CLEC16A: variants seen among roughly 807,000 people sequenced by gnomAD.
CLEC16A encodes protein CLEC16A.
In CLEC16A, 51 loss-of-function variants were observed where a neutral mutation model predicts 109.5. The ratio of observed to expected loss-of-function variants is 0.47; its 90% CI spans 0.37 to 0.59. The LOEUF (loss-of-function observed/expected upper bound fraction) is 0.59. CLEC16A is among the 20% of genes least tolerant of loss of function. The pLI is 0.00. For missense variants in CLEC16A, 1,339 were observed against 1,394.0 expected, an observed-to-expected ratio of 0.96 and a Z score of 0.63; for synonymous variants, 673 against 564.2, an observed-to-expected ratio of 1.19 and a Z score of -2.73.
chr16:11,091,184 C>T (rs569151529), intron 19 of CLEC16A, among the ~76,000 whole-genome samples: 1 of 152,338 alleles, frequency 6.6e-6, no homozygotes, highest in East Asian at 1.9e-4. Context: ...TATATCTCCC[C>T]CAACTCACAC....
At chr16:10,984,487 G>A (rs79032217) in intron 10 of CLEC16A, among the ~76,000 whole-genome samples, 423 of 152,244 alleles carry the variant, frequency 2.8e-3, no homozygotes, top group African/African-American at 4.8e-3. Context: ...TGCCGTATTC[G>A]AGCTTTACAG....
intron 1 of CLEC16A, among the ~76,000 whole-genome samples, chr16:10,956,543 C>A (rs1488067427): frequency 6.6e-6 from 1 of 152,208 alleles, no homozygotes; most frequent in African/African-American, 2.4e-5. Context: ...GCTCCCTTGA[C>A]AGGTGAAGTT....
At chr16:10,983,690 G>A (rs944479570) in intron 10 of CLEC16A, among the ~76,000 whole-genome samples, 8 of 152,054 alleles carry the variant, frequency 5.3e-5, no homozygotes, top group East Asian at 1.9e-4. Flanking sequence ...GTATATCTCT[G>A]CTGTCATCTC....
intron 19 of CLEC16A, among the ~76,000 whole-genome samples, chr16:11,089,670 G>GCCTGGTCA (rs1366008642): frequency 1.3e-5 from 2 of 152,182 alleles, no homozygotes; most frequent in African/African-American, 2.4e-5. Context: ...CCACCTGGTC[G>GCCTGGTCA]CCTGGTCACC....
chr16:10,980,972 T>C (rs1252502853), intron 9 of CLEC16A, among the ~76,000 whole-genome samples: 1 of 152,216 alleles, frequency 6.6e-6, no homozygotes, highest in African/African-American at 2.4e-5. Context: ...GATGCTGTCC[T>C]CCTAAAACCA....
intron 13 of CLEC16A, among the ~76,000 whole-genome samples, chr16:11,036,450 G>T (rs910515530): frequency 2.0e-5 from 3 of 152,056 alleles, no homozygotes; most frequent in Non-Finnish European, 4.4e-5. Flanking sequence ...CCTGAGAGGG[G>T]CCCCCAGCAG....
chr16:11,023,629 T>A (rs1340374981), intron 12 of CLEC16A, among the ~76,000 whole-genome samples: 12 of 152,308 alleles, frequency 7.9e-5, no homozygotes, highest in Admixed American at 5.9e-4. Context: ...TTTTTGCATT[T>A]TTCAATGAAA....
intron 19 of CLEC16A, among the ~76,000 whole-genome samples, chr16:11,115,572 C>G (rs767508694): frequency 6.6e-6 from 1 of 152,150 alleles, no homozygotes; most frequent in African/African-American, 2.4e-5. Context: ...GAGGTTTTGC[C>G]ATGTTGCACA....
At chr16:11,010,107 C>T (rs182523452) in intron 11 of CLEC16A, among the ~76,000 whole-genome samples, 42 of 151,770 alleles carry the variant, frequency 2.8e-4, no homozygotes, top group African/African-American at 1.0e-3. Context: ...GAACTGTGAT[C>T]GTGCCACACA....
intron 9 of CLEC16A, among the ~76,000 whole-genome samples, chr16:10,979,705 C>T (rs2043214018): frequency 6.6e-6 from 1 of 152,190 alleles, no homozygotes; most frequent in African/African-American, 2.4e-5. Context: ...ATGTGGGCTG[C>T]ATCGCTTTTA....
chr16:11,129,964 G>A (rs1278631554), intron 22 of CLEC16A, among the ~76,000 whole-genome samples: 3 of 152,000 alleles, frequency 2.0e-5, no homozygotes, highest in South Asian at 2.1e-4. Context: ...GGGTTTCACC[G>A]TGTTAGCCAG....
Position 11,178,570 on chromosome 16 carries a change from C to T in CLEC16A, c.3042C>T (p.Asp1014=), listed in dbSNP as rs201102608. ...CGCTGACCCTTGTCCCCCCAGTTGA[C>T]CCCCACAGCCTCCGCAGCCTCACCG... ...VESLTLVPPV[D]PHSLRSLTGM... The change falls in exon 24 of 24, where the codon GAC becomes GAT. Residue 1014 remains aspartate, a synonymous_variant. Transcript: ENST00000409790. The surrounding 1 kb of genome is among the most constrained non-coding windows in gnomAD (Gnocchi z 6.5). 5 of 1,611,656 alleles carry T rather than the reference C, an allele frequency of 3.1e-6. No individual in the cohort carries two copies. The highest frequency in any genetic ancestry group is 4.2e-6 in the Non-Finnish European group (5 of 1,179,764).
chr16:11,002,130 C>T (rs1268673543), intron 10 of CLEC16A, among the ~76,000 whole-genome samples: 2 of 152,176 alleles, frequency 1.3e-5, no homozygotes, highest in African/African-American at 4.8e-5. Context: ...GCTGTGTGAC[C>T]TCGGGCAGAT....
At chr16:11,138,670 A>G (rs1424062936) in intron 22 of CLEC16A, among the ~76,000 whole-genome samples, 4 of 152,214 alleles carry the variant, frequency 2.6e-5, no homozygotes, top group Non-Finnish European at 5.9e-5. Flanking sequence ...ACTTACTTGT[A>G]CTATAGGATT....
chr16:10,947,556 C>T (rs8051340), intron 1 of CLEC16A, among the ~76,000 whole-genome samples: 15 of 152,128 alleles, frequency 9.9e-5, no homozygotes, highest in Admixed American at 2.0e-4. Flanking sequence ...CAGGACCCTG[C>T]GGGTTTTGTG....
intron 1 of CLEC16A, among the ~76,000 whole-genome samples, chr16:10,950,583 G>C (rs1359648186): frequency 6.6e-6 from 1 of 152,186 alleles, no homozygotes; most frequent in Non-Finnish European, 1.5e-5. Flanking sequence ...CACAGCCTGT[G>C]AACACCTTCT....
At chr16:11,037,228 CT>C (rs1199212263) in intron 13 of CLEC16A, among the ~76,000 whole-genome samples, 1 of 152,216 alleles carries the variant, frequency 6.6e-6, no homozygotes, top group Non-Finnish European at 1.5e-5. Context: ...GACGGGCCCC[CT>C]GTGTGCTCCT....
chr16:11,018,574 C>A (rs893733646), intron 11 of CLEC16A, among the ~76,000 whole-genome samples: 1 of 151,844 alleles, frequency 6.6e-6, no homozygotes, highest in Admixed American at 6.6e-5. Flanking sequence ...ACGGTGAAAC[C>A]CTGTCTGTAA....
At chr16:11,129,551 G>T (rs866601743) in intron 22 of CLEC16A, among the ~76,000 whole-genome samples, 20 of 152,320 alleles carry the variant, frequency 1.3e-4, no homozygotes, top group South Asian at 2.1e-4. Context: ...TGAAAACAAG[G>T]ATTTCCAGAC....
Sources: gnomAD v4.1 joint callset for allele counts (sites outside exome capture counted in the v4.1 genomes callset) on GRCh38, gnomAD v4.1.1 for gene constraint, Gnocchi (gnomAD v3.1) non-coding constraint, MANE v1.5 for transcripts, NCBI Gene and HGNC (gene_info 2026-07-23, HGNC 2026-07-21) for gene names.